Variants in DLGAP2 observed in about 807,000 individuals in gnomAD.
The protein encoded by DLGAP2 is disks large-associated protein 2.
In DLGAP2, 26 loss-of-function variants were observed where a neutral mutation model predicts 100.3. The observed-to-expected ratio is 0.26, with a 90% CI of 0.19 to 0.36. The LOEUF (loss-of-function observed/expected upper bound fraction) is 0.36, where lower values mean the gene tolerates loss of function less well. Ranked by LOEUF, DLGAP2 falls within the 10% of genes least tolerant of loss-of-function variation. The probability of loss-of-function intolerance (pLI) is 1.00; values close to 1 mark genes in which losing one functional copy is unlikely to be tolerated. For synonymous variants in DLGAP2, 886 were observed against 630.1 expected, an observed-to-expected ratio of 1.41 and a Z score of -6.08; for missense variants, 1,858 against 1,453.2, an observed-to-expected ratio of 1.28 and a Z score of -4.53.
At chr8:898,461 C>T (rs758144467) in intron 1 of DLGAP2, among the ~76,000 whole-genome samples, 21 of 152,228 alleles carry the variant, frequency 1.4e-4, no homozygotes, top group Non-Finnish European at 2.4e-4. Flanking sequence ...ACGCTTCATC[C>T]GCAGGGCACA....
In DLGAP2 at chr8:1,464,351, ACCCTTCCAGGACAACG is replaced by A. The variant is rs1563164948; in HGVS notation, c.107-37003_107-36988del. Among the ~76,000 whole-genome samples the A allele has an allele frequency of 2.8e-3, 266 of 94,686 alleles. 1 individual carries two copies. Among genetic ancestry groups the A allele is most frequent in the African/African-American group, 4.5e-3 (98 of 21,900 alleles). 62.1% of individuals were successfully genotyped at this position (94,686 alleles called of 152,430 possible). On this transcript the variant is annotated intron_variant, in intron 3 of 14. Transcript: ENST00000637795. ...CAGGACGGCACCCTTCCAGGACGGC[ACCCTTCCAGGACAACG>A]CCCTTCCAGGATGGCACCCTTCCGG...
intron 2 of DLGAP2, among the ~76,000 whole-genome samples, chr8:916,349 A>T (rs113262606): frequency 0.12 from 17,883 of 152,270 alleles, 1,405 homozygotes; most frequent in Admixed American, 0.25. Context: ...ATGCAGCCAT[A>T]AAAAATGATG....
intron 5 of DLGAP2, among the ~76,000 whole-genome samples, chr8:1,552,356 C>T (rs1309931165): frequency 1.3e-5 from 2 of 152,336 alleles, no homozygotes; most frequent in South Asian, 2.1e-4. Flanking sequence ...GAAACCACCT[C>T]TTCGGGGCAT....
In DLGAP2 at chr8:928,439, C is replaced by T. The variant is rs1486325750; in HGVS notation, c.73+20473C>T. ...TACTGTGCCCTTAGTGTATCCCAGG[C>T]TTCATGGAAGAGGAATGAGGAACAG... On this transcript the variant is annotated intron_variant, in intron 2 of 14. Coordinates refer to ENST00000637795, the MANE Select transcript of DLGAP2 (RefSeq NM_001346810.2). Among the ~76,000 whole-genome samples the T allele has an allele frequency of 5.3e-5, 8 of 152,084 alleles. No individual in the cohort carries two copies. The East Asian group carries it at 1.4e-3, about 26-fold the overall frequency.
At chr8:1,489,690 G>A (rs767504868) in intron 3 of DLGAP2, among the ~76,000 whole-genome samples, 1 of 152,204 alleles carries the variant, frequency 6.6e-6, no homozygotes, top group Non-Finnish European at 1.5e-5. Flanking sequence ...CCATCGCTGT[G>A]AGCATCTTGG....
chr8:1,278,052 C>T (rs67743638), intron 3 of DLGAP2, among the ~76,000 whole-genome samples: 1 of 151,972 alleles, frequency 6.6e-6, no homozygotes, highest in Non-Finnish European at 1.5e-5. Context: ...TAGTCTCTTG[C>T]AATTTCAACA....
chr8:1,171,475 C>T (rs1585119805), intron 2 of DLGAP2, among the ~76,000 whole-genome samples: 1 of 151,782 alleles, frequency 6.6e-6, no homozygotes, highest in South Asian at 2.1e-4. Context: ...CTAATGGTGA[C>T]AGTGGGGTAT....
intron 12 of DLGAP2, among the ~76,000 whole-genome samples, chr8:1,685,633 A>G (rs1219285190): frequency 6.6e-6 from 1 of 152,220 alleles, no homozygotes; most frequent in Non-Finnish European, 1.5e-5. Context: ...AAAAGGAAAC[A>G]GCAGAGTGAA....
Position 1,004,317 on chromosome 8 carries a change from T to A in DLGAP2, c.73+96351T>A, listed in dbSNP as rs143057441. Among the ~76,000 whole-genome samples the A allele has an allele frequency of 2.8e-4, 42 of 152,332 alleles. 1 individual carries two copies. The East Asian group carries it at 7.7e-3, about 28-fold the overall frequency. On this transcript the variant is annotated intron_variant, in intron 2 of 14. Coordinates refer to ENST00000637795, the MANE Select transcript of DLGAP2 (RefSeq NM_001346810.2). ...AACCTCCCAAGCAGCTTAACCAGCA[T>A]TTGGCCACTTTAATTTTGTCTTTTA...
chr8:801,726 G>C (rs567018806), intron 1 of DLGAP2, among the ~76,000 whole-genome samples: 213 of 152,278 alleles, frequency 1.4e-3, no homozygotes, highest in Non-Finnish European at 2.5e-3. Context: ...CTCCAGCAAT[G>C]TGACTTTCAG....
Position 1,668,543 on chromosome 8 carries a change from C to T in DLGAP2, c.2025C>T (p.Leu675=), listed in dbSNP as rs529238859. The change falls in exon 9 of 15, where the codon CTC becomes CTT. Residue 675 remains leucine, a synonymous_variant. Coordinates refer to ENST00000637795, the MANE Select transcript of DLGAP2 (RefSeq NM_001346810.2). The part of the protein sequence containing the change: ...DSLDSNKAMN[L]ALETAAAQRH... ...TGGACAGCAACAAGGCCATGAACCT[C>T]GCGCTGGAAACGGCCGCTGCCCAGC... 16 of 1,591,672 alleles carry T rather than the reference C, an allele frequency of 1.0e-5. No homozygotes were observed. The highest frequency in any genetic ancestry group is 9.2e-5 in the East Asian group (4 of 43,290).
At chr8:1,249,714 T>C (rs1430739712) in intron 2 of DLGAP2, among the ~76,000 whole-genome samples, 1 of 152,134 alleles carries the variant, frequency 6.6e-6, no homozygotes, top group African/African-American at 2.4e-5. Flanking sequence ...TTGAGTTTCA[T>C]AGATTAAAAG....
intron 2 of DLGAP2, among the ~76,000 whole-genome samples, chr8:1,243,175 C>G (rs566074459): frequency 2.0e-5 from 3 of 152,314 alleles, no homozygotes; most frequent in South Asian, 4.1e-4. Flanking sequence ...ATGGAGCTCA[C>G]ATTAAGTGGA....
At chr8:1,242,927 GTGGATGGATTGATAGATGGA>G (rs1439008611) in intron 2 of DLGAP2, among the ~76,000 whole-genome samples, 1 of 77,560 alleles carries the variant, frequency 1.3e-5, no homozygotes, top group African/African-American at 4.7e-5. Flanking sequence ...CAGATAGACA[GTGGATGGATTGATAGATGGA>G]TGGATGGACA....
At chr8:1,271,104 C>G (rs1191719248) in intron 3 of DLGAP2, among the ~76,000 whole-genome samples, 2 of 152,108 alleles carry the variant, frequency 1.3e-5, no homozygotes, top group Admixed American at 6.5e-5. Context: ...TTTTGGCAAA[C>G]TAACCATTAC....
intron 3 of DLGAP2, among the ~76,000 whole-genome samples, chr8:1,388,124 C>T (rs1327523371): frequency 1.0e-5 from 1 of 100,338 alleles, no homozygotes; most frequent in Non-Finnish European, 2.4e-5. Context: ...GGCTCTGGTT[C>T]AGGTGTCAGG....
intron 3 of DLGAP2, among the ~76,000 whole-genome samples, chr8:1,271,743 C>A (rs1799587949): frequency 6.6e-6 from 1 of 152,214 alleles, no homozygotes; most frequent in South Asian, 2.1e-4. Flanking sequence ...TTGAAGGCTA[C>A]AAACTTGTTG....
chr8:1,179,342 AGCTGAGGCTGTG>A (rs1797330995), intron 2 of DLGAP2, among the ~76,000 whole-genome samples: 3 of 152,230 alleles, frequency 2.0e-5, no homozygotes, highest in Admixed American at 1.3e-4. Flanking sequence ...GCCAGGCACC[AGCTGAGGCTGTG>A]GGTGGAGGGA....
intron 3 of DLGAP2, among the ~76,000 whole-genome samples, chr8:1,459,485 A>C (rs1338494555): frequency 1.3e-5 from 2 of 152,186 alleles, no homozygotes; most frequent in African/African-American, 4.8e-5. Flanking sequence ...TATTCCATGC[A>C]CGCTTGTTTG....
Sources: gnomAD v4.1 joint callset for allele counts (sites outside exome capture counted in the v4.1 genomes callset) on GRCh38, gnomAD v4.1.1 for gene constraint, MANE v1.5 for transcripts, NCBI Gene and HGNC (gene_info 2026-07-23, HGNC 2026-07-21) for gene names.